FER1L6: variants seen among roughly 807,000 people sequenced by gnomAD.
The protein encoded by FER1L6 is fer-1-like protein 6.
A neutral mutation model predicts 219.2 loss-of-function variants in FER1L6; 177 were observed. The observed-to-expected ratio is 0.81, with a 90% CI of 0.71 to 0.91. The LOEUF is 0.91. Ranked by LOEUF, FER1L6 falls within the 40% of genes least tolerant of loss-of-function variation. The pLI is 0.00. For synonymous variants in FER1L6, 768 were observed against 824.3 expected (o/e 0.93, Z 1.17); for missense variants, 2,153 against 2,259.9 (o/e 0.95, Z 0.96).
chr8:123,973,834 A>G (rs538013611), intron 7 of FER1L6, among the ~76,000 whole-genome samples: 89 of 152,236 alleles, frequency 5.8e-4, no homozygotes, highest in African/African-American at 2.0e-3. Context: ...ATCCCACTCT[A>G]TGTCCTAGCT....
At chr8:123,861,893 T>C in intron 1 of FER1L6, among the ~76,000 whole-genome samples, 2 of 114,746 alleles carry the variant, frequency 1.7e-5, no homozygotes, top group Non-Finnish European at 1.7e-5. Flanking sequence ...GACGATGGGG[T>C]TTTCTAGATA....
At chr8:123,883,143 G>A (rs1166842637) in intron 1 of FER1L6, among the ~76,000 whole-genome samples, 4 of 152,074 alleles carry the variant, frequency 2.6e-5, no homozygotes, top group African/African-American at 9.7e-5. Context: ...ATAATGAGAA[G>A]GTGTGAACAA....
chr8:123,951,966 A>T (rs1459283205), intron 1 of FER1L6, among the ~76,000 whole-genome samples: 1 of 152,166 alleles, frequency 6.6e-6, no homozygotes, highest in African/African-American at 2.4e-5. Flanking sequence ...GTGAAGGTGG[A>T]GAAGGTGATT....
At chr8:123,890,480 A>G (rs1256233570) in intron 1 of FER1L6, among the ~76,000 whole-genome samples, 1 of 151,752 alleles carries the variant, frequency 6.6e-6, no homozygotes, top group Non-Finnish European at 1.5e-5. Context: ...TTTTATTGGA[A>G]GGCTTTTATT....
intron 10 of FER1L6, among the ~76,000 whole-genome samples, chr8:123,979,461 C>T (rs1441265824): frequency 6.6e-6 from 1 of 152,128 alleles, no homozygotes; most frequent in Non-Finnish European, 1.5e-5. Flanking sequence ...CCCAAGGTCA[C>T]ACAGCTTGAA....
chr8:123,885,043 CAG>C, intron 1 of FER1L6, among the ~76,000 whole-genome samples: 1 of 152,218 alleles, frequency 6.6e-6, no homozygotes, highest in Middle Eastern at 3.4e-3. Context: ...CAGATGGAGG[CAG>C]AGACTGGAGT....
intron 10 of FER1L6, among the ~76,000 whole-genome samples, chr8:123,979,962 T>A (rs1816245756): frequency 6.6e-6 from 1 of 152,092 alleles, no homozygotes; most frequent in South Asian, 2.1e-4. Flanking sequence ...TGGCACATGC[T>A]CCTCCCTCTA....
In FER1L6 at chr8:123,970,046, C is replaced by T. The variant is rs769245915; in HGVS notation, c.396C>T (p.Phe132=). ...TTTTTGTTTTGCAGTACTTTGTCTTCGACTTCATTGGGCCCCAAGTGCATC... is the reference window on the plus strand; with the variant it reads ...TTTTTGTTTTGCAGTACTTTGTCTTTGACTTCATTGGGCCCCAAGTGCATC... ...NSPFYNEYFV[F]DFIGPQVHLF... The change falls in exon 6 of 41, where the codon TTC becomes TTT. Residue 132 remains phenylalanine (F), a synonymous_variant. Coordinates refer to ENST00000522917, the MANE Select transcript of FER1L6 (RefSeq NM_001039112.2). The T allele has an allele frequency of 1.5e-5, 25 of 1,613,836 alleles. No homozygotes were observed. The East Asian group carries it at 2.0e-4, about 13-fold the overall frequency.
chr8:124,046,035 C>A (rs924303729), intron 21 of FER1L6, 134 bp downstream of exon 21: 2 of 1,012,394 alleles, frequency 2.0e-6, no homozygotes, highest in South Asian at 1.9e-5. Flanking sequence ...TAGAGGCAAA[C>A]TTGACCTCTG....
Position 124,039,879 on chromosome 8 carries a change from C to T in FER1L6, c.2465-3C>T. 1 of 1,614,086 alleles carries T rather than the reference C, an allele frequency of 6.2e-7. No individual in the cohort carries two copies. The highest frequency in any genetic ancestry group is 8.5e-7 in the Non-Finnish European group (1 of 1,179,966). On this transcript the variant is annotated splice_region_variant and splice_polypyrimidine_tract_variant and intron_variant, in intron 19 of 40. Transcript: ENST00000522917. Reference sequence around the variant, plus strand: ...CCTGCCCCCTTCCATGATTTGTCCACAGAACAGCATGTTTTTCAGCTGAGG... The same window carrying T: ...CCTGCCCCCTTCCATGATTTGTCCATAGAACAGCATGTTTTTCAGCTGAGG...
intron 12 of FER1L6, among the ~76,000 whole-genome samples, chr8:123,991,703 C>T (rs1240591816): frequency 6.6e-6 from 1 of 152,144 alleles, no homozygotes; most frequent in Non-Finnish European, 1.5e-5. Flanking sequence ...TGCCTGATTG[C>T]TCTGGTTAGG....
At position 124,119,622 on chromosome 8, in the gene FER1L6, C is replaced by G. The variant is rs564955928; in HGVS notation, c.5406C>G (p.Ser1802=). ...TCCCCCTCAGCCGCCCAGACACCTC[C>G]TTTTCGTGGTTCATGAGCCCCTTTA... The part of the protein sequence containing the change: ...PLAKPNRPDT[S]FSWFMSPFKC... The change falls in exon 41 of 41, where the codon TCC becomes TCG. Residue 1802 remains serine (S), a synonymous_variant. Transcript: ENST00000522917. 3.1e-6 allele frequency: 5 copies of G among 1,612,820 alleles called. No homozygotes were observed. Among genetic ancestry groups the G allele is most frequent in the Non-Finnish European group, 4.2e-6 (5 of 1,179,114 alleles).
At chr8:124,069,187 C>G (rs1820958586) in intron 28 of FER1L6, among the ~76,000 whole-genome samples, 173 bp from the exon 29 acceptor site, 1 of 152,190 alleles carries the variant, frequency 6.6e-6, no homozygotes. Flanking sequence ...CTGCCTGCCT[C>G]AGCCTCCCAA....
Position 123,856,316 on chromosome 8 carries a change from G to GTATGTGTATATA in FER1L6, c.-8+4134_-8+4135insGTGTATATATAT, listed in dbSNP as rs1554608010. On this transcript the variant is annotated intron_variant, in intron 1 of 40. Coordinates refer to ENST00000522917, the MANE Select transcript of FER1L6 (RefSeq NM_001039112.2). The stretch of plus-strand genomic sequence containing the variant: ...TGTATATATATATATATATGTATGT[G>GTATGTGTATATA]TATATATATATATATATATATATAT... 4.0e-4 allele frequency among the ~76,000 whole-genome samples: 18 copies of GTATGTGTATATA among 45,088 alleles called. 3 individuals carry two copies. The highest frequency in any genetic ancestry group is 1.6e-3 in the African/African-American group (18 of 11,510). 29.6% of individuals were successfully genotyped at this position (45,088 alleles called of 152,430 possible).
chr8:123,908,091 T>C (rs1389102425), intron 1 of FER1L6, among the ~76,000 whole-genome samples: 1 of 152,000 alleles, frequency 6.6e-6, no homozygotes, highest in African/African-American at 2.4e-5. Context: ...GCTTGAAAAA[T>C]GGATGTTAAA....
chr8:124,075,894 T>C (rs1821261660), intron 31 of FER1L6, among the ~76,000 whole-genome samples: 1 of 152,214 alleles, frequency 6.6e-6, no homozygotes, highest in Non-Finnish European at 1.5e-5. Flanking sequence ...ATTTTTCTCA[T>C]TTTTCTGTGC....
intron 1 of FER1L6, among the ~76,000 whole-genome samples, chr8:123,935,670 C>A (rs4871440): frequency 0.45 from 69,074 of 151,876 alleles, 16,888 homozygotes; most frequent in East Asian, 0.71. Context: ...CCTGAACACC[C>A]GCTCAACACA....
intron 13 of FER1L6, among the ~76,000 whole-genome samples, chr8:124,005,343 T>C (rs532719704): frequency 6.6e-6 from 1 of 152,362 alleles, no homozygotes; most frequent in African/African-American, 2.4e-5. Flanking sequence ...CCTTCATTTC[T>C]GGCCACTCCA....
At chr8:123,960,992 C>T (rs1323079225) in intron 2 of FER1L6, among the ~76,000 whole-genome samples, 1 of 152,032 alleles carries the variant, frequency 6.6e-6, no homozygotes, top group African/African-American at 2.4e-5. Context: ...CTCATGCCTG[C>T]GATCCCAGCA....
Sources: gnomAD v4.1 joint callset for allele counts (sites outside exome capture counted in the v4.1 genomes callset) on GRCh38, gnomAD v4.1.1 for gene constraint, MANE v1.5 for transcripts, NCBI Gene and HGNC (gene_info 2026-07-23, HGNC 2026-07-21) for gene names.